The following ZC3H3 variants were observed in gnomAD, a reference collection of about 807,000 sequenced individuals.
ZC3H3 encodes zinc finger CCCH-type containing 3.
In ZC3H3, 36 loss-of-function variants were observed where a neutral mutation model predicts 77.3. The observed-to-expected ratio is 0.47, with a 90% CI of 0.36 to 0.61. The LOEUF (loss-of-function observed/expected upper bound fraction) is 0.61, where lower values mean the gene tolerates loss of function less well. ZC3H3 is among the 20% of genes least tolerant of loss of function. ZC3H3 has a pLI of 0.00. For missense variants in ZC3H3, 1,331 were observed against 1,312.2 expected, an observed-to-expected ratio of 1.01 and a Z score of -0.22; for synonymous variants, 626 against 555.2, an observed-to-expected ratio of 1.13 and a Z score of -1.79.
At chr8:143,472,674 A>G (rs986792071) in intron 5 of ZC3H3, among the ~76,000 whole-genome samples, 3 of 152,164 alleles carry the variant, frequency 2.0e-5, no homozygotes, top group African/African-American at 4.8e-5. Context: ...ACCTCCCCAC[A>G]CAGGCCCACC....
rs428772 is a variant in ZC3H3 at position 143,493,341 on chromosome 8, C to G, written c.1715+14405G>C. On this transcript the variant is annotated intron_variant, in intron 4 of 11. Transcript: ENST00000262577. This position sits in a 1 kb window ranked among gnomAD's most constrained non-coding sequence, Gnocchi z 4.8. ...TCCGGAAAAAGTCCCAGAGGATCAG[C>G]GGTGTCCCTCAGGGACATCCCAGCC... Among the ~76,000 whole-genome samples, 1 of 152,210 alleles carries G rather than the reference C, an allele frequency of 6.6e-6. No individual in the cohort carries two copies. Among genetic ancestry groups the G allele is most frequent in the African/African-American group, 2.4e-5 (1 of 41,450 alleles).
chr8:143,458,980 A>G (rs369696400), intron 9 of ZC3H3, among the ~76,000 whole-genome samples: 13 of 152,356 alleles, frequency 8.5e-5, no homozygotes, highest in African/African-American at 2.9e-4. Context: ...AGAAAAAGAA[A>G]GAAAGAAAAG....
chr8:143,478,218 CCT>C (rs1820796730), intron 4 of ZC3H3, among the ~76,000 whole-genome samples: 1 of 152,218 alleles, frequency 6.6e-6, no homozygotes, highest in Admixed American at 6.5e-5. Flanking sequence ...GGAGTGTCCC[CCT>C]GACTGAGGCT....
chr8:143,485,327 A>T (rs1821023779), intron 4 of ZC3H3, among the ~76,000 whole-genome samples: 3 of 152,234 alleles, frequency 2.0e-5, no homozygotes, highest in Admixed American at 2.0e-4. Flanking sequence ...AGTGTTTCTA[A>T]GGTGGTCTGG....
intron 5 of ZC3H3, among the ~76,000 whole-genome samples, chr8:143,473,509 T>G (rs1563847242): frequency 6.6e-6 from 1 of 152,132 alleles, no homozygotes; most frequent in East Asian, 1.9e-4. Context: ...GGCAGGCAGG[T>G]GAGGGCTCGG....
At chr8:143,464,542 C>T (rs1820356278) in intron 9 of ZC3H3, among the ~76,000 whole-genome samples, 1 of 152,182 alleles carries the variant, frequency 6.6e-6, no homozygotes, top group Admixed American at 6.5e-5. Flanking sequence ...ACGCTGTGCA[C>T]AGGAAGGAGT....
intron 3 of ZC3H3, among the ~76,000 whole-genome samples, chr8:143,519,071 C>T (rs952949124): frequency 1.3e-5 from 2 of 152,244 alleles, no homozygotes; most frequent in Non-Finnish European, 1.5e-5. Context: ...CAGGGTGCAG[C>T]GAGCACTACG....
rs566751829 is a variant in ZC3H3, at chr8:143,462,703, C to T, written c.2307+3014G>A. ...ACAGGGTGTGGGGAAAACGGCAGCGCGGAGGCTCACGGAGCAGGCACTGCA... is the reference window on the plus strand; with the variant it reads ...ACAGGGTGTGGGGAAAACGGCAGCGTGGAGGCTCACGGAGCAGGCACTGCA... On this transcript the variant is annotated intron_variant, in intron 9 of 11. Transcript: ENST00000262577. The surrounding 1 kb of genome is among the most constrained non-coding windows in gnomAD (Gnocchi z 4.7). 8.5e-5 allele frequency among the ~76,000 whole-genome samples: 13 copies of T among 152,324 alleles called. No homozygotes were observed. The South Asian group carries it at 2.5e-3, about 29-fold the overall frequency.
intron 3 of ZC3H3, among the ~76,000 whole-genome samples, chr8:143,510,228 A>G (rs1311586581): frequency 6.6e-6 from 1 of 152,148 alleles, no homozygotes; most frequent in African/African-American, 2.4e-5. Flanking sequence ...TCTGCACGTC[A>G]CCTAGATAGA....
intron 4 of ZC3H3, among the ~76,000 whole-genome samples, chr8:143,505,702 G>C (rs1470750870): frequency 6.6e-6 from 1 of 152,224 alleles, no homozygotes; most frequent in Non-Finnish European, 1.5e-5. Context: ...TCAGCCACAT[G>C]TGCATCCTGG....
rs984374099 is a variant in ZC3H3 at position 143,493,409 on chromosome 8, T to G, written c.1715+14337A>C. 6.6e-6 allele frequency among the ~76,000 whole-genome samples: 1 copy of G among 152,194 alleles called. No homozygotes were observed. Among genetic ancestry groups the G allele is most frequent in the Admixed American group, 6.5e-5 (1 of 15,284 alleles). On this transcript the variant is annotated intron_variant, in intron 4 of 11. Coordinates refer to ENST00000262577, the MANE Select transcript of ZC3H3 (RefSeq NM_015117.3). The surrounding 1 kb of genome is among the most constrained non-coding windows in gnomAD (Gnocchi z 4.8). The stretch of plus-strand genomic sequence containing the variant: ...TAGCTCAGGCCCTGGCAAGACTGGC[T>G]TCTCCTCCCTCTTCCCTACCCCAAA...
At chr8:143,441,247 G>A in intron 9 of ZC3H3, 127 bp from the exon 10 acceptor site, 8 of 1,003,534 alleles carry the variant, frequency 8.0e-6, no homozygotes, top group Non-Finnish European at 1.1e-5. Context: ...TCCAAGTCTT[G>A]GGGCCAAAGG....
chr8:143,481,896 T>C (rs1276737578), intron 4 of ZC3H3, among the ~76,000 whole-genome samples: 1 of 152,210 alleles, frequency 6.6e-6, no homozygotes, highest in Admixed American at 6.5e-5. Flanking sequence ...CCCGAGGCAA[T>C]GCCCAGGCCC....
chr8:143,475,057 C>T lies in ZC3H3; in HGVS notation c.1903+341G>A, dbSNP rs118179553. Among the ~76,000 whole-genome samples the T allele has an allele frequency of 9.8e-4, 149 of 152,360 alleles. 1 individual carries two copies. The East Asian group carries it at 0.027, about 28-fold the overall frequency. Reference sequence around the variant, plus strand: ...GGGCCGCTCAGCCACGCGAGGTGGGCGCCACTCCAGGGCCCTTCCTGGGGG... The same window carrying T: ...GGGCCGCTCAGCCACGCGAGGTGGGTGCCACTCCAGGGCCCTTCCTGGGGG... On this transcript the variant is annotated intron_variant, in intron 5 of 11. Coordinates refer to ENST00000262577, the MANE Select transcript of ZC3H3 (RefSeq NM_015117.3).
chr8:143,444,227 G>A (rs1395636591), intron 9 of ZC3H3, among the ~76,000 whole-genome samples: 3 of 152,122 alleles, frequency 2.0e-5, no homozygotes, highest in Non-Finnish European at 4.4e-5. Context: ...ACCCACCTCA[G>A]CCTCCCAAAG....
intron 3 of ZC3H3, among the ~76,000 whole-genome samples, chr8:143,527,848 G>C (rs535181907): frequency 1.1e-3 from 160 of 152,296 alleles, no homozygotes; most frequent in African/African-American, 3.6e-3. Context: ...GCACCGCTCA[G>C]CCCCACAGCA....
Position 143,493,697 on chromosome 8 carries a change from C to T in ZC3H3, c.1715+14049G>A, listed in dbSNP as rs1821268285. Among the ~76,000 whole-genome samples the T allele has an allele frequency of 2.0e-5, 3 of 152,182 alleles. No individual in the cohort carries two copies. Among genetic ancestry groups the T allele is most frequent in the Non-Finnish European group, 4.4e-5 (3 of 68,030 alleles). On this transcript the variant is annotated intron_variant, in intron 4 of 11. Coordinates refer to ENST00000262577, the MANE Select transcript of ZC3H3 (RefSeq NM_015117.3). The surrounding 1 kb of genome is among the most constrained non-coding windows in gnomAD (Gnocchi z 4.8). ...TGCTAGCAGCTTCTGTGGCACCTTC[C>T]GTGCAAAACCGTATCTCAGCCCATT... is the stretch of plus-strand genomic sequence containing the variant.
At chr8:143,483,364 G>A (rs1361797675) in intron 4 of ZC3H3, among the ~76,000 whole-genome samples, 1 of 152,224 alleles carries the variant, frequency 6.6e-6, no homozygotes, top group Admixed American at 6.5e-5. Flanking sequence ...AGCCACTGCG[G>A]CCCCCGAATG....
At chr8:143,468,971 C>T (rs915088312) in intron 5 of ZC3H3, among the ~76,000 whole-genome samples, 5 of 152,204 alleles carry the variant, frequency 3.3e-5, no homozygotes, top group African/African-American at 1.2e-4. Flanking sequence ...GCAGCACCCG[C>T]GGAGGGCTTG....
Sources: gnomAD v4.1 joint callset for allele counts (sites outside exome capture counted in the v4.1 genomes callset) on GRCh38, gnomAD v4.1.1 for gene constraint, Gnocchi (gnomAD v3.1) non-coding constraint, MANE v1.5 for transcripts, NCBI Gene and HGNC (gene_info 2026-07-23, HGNC 2026-07-21) for gene names.